Variants in RAP1GAP2 observed in about 807,000 individuals in gnomAD.
RAP1GAP2 encodes the protein RAP1 GTPase activating protein 2.
A neutral mutation model predicts 95.0 loss-of-function variants in RAP1GAP2; 27 were observed. The observed-to-expected ratio is 0.28, with a 90% CI of 0.21 to 0.39. The LOEUF (loss-of-function observed/expected upper bound fraction) is 0.39, where lower values mean the gene tolerates loss of function less well. Ranked by LOEUF, RAP1GAP2 falls within the 10% of genes least tolerant of loss-of-function variation. The pLI is 1.00. For synonymous variants in RAP1GAP2, 373 were observed against 380.9 expected, an observed-to-expected ratio of 0.98 and a Z score of 0.24; for missense variants, 771 against 970.0, an observed-to-expected ratio of 0.79 and a Z score of 2.72.
chr17:2,919,382 G>A (rs111448795), intron 3 of RAP1GAP2, among the ~76,000 whole-genome samples: 16 of 152,326 alleles, frequency 1.1e-4, no homozygotes, highest in African/African-American at 3.4e-4. Flanking sequence ...AGACTGAGTC[G>A]AGACTTGGAT....
intron 8 of RAP1GAP2, among the ~76,000 whole-genome samples, chr17:2,978,369 C>G (rs901818417): frequency 5.3e-5 from 8 of 152,102 alleles, no homozygotes; most frequent in Non-Finnish European, 7.3e-5. Context: ...GATACTGCAA[C>G]AGTCCCTCCG....
At chr17:2,860,809 T>C (rs2072353485) in intron 2 of RAP1GAP2, among the ~76,000 whole-genome samples, 1 of 151,988 alleles carries the variant, frequency 6.6e-6, no homozygotes, top group Non-Finnish European at 1.5e-5. Flanking sequence ...TTTCACCATG[T>C]TGGCCAGGCT....
At chr17:2,758,887 T>A (rs996576908) in intron 1 of RAP1GAP2, among the ~76,000 whole-genome samples, 5 of 152,022 alleles carry the variant, frequency 3.3e-5, no homozygotes, top group African/African-American at 1.2e-4. Context: ...GCAGTGGCGA[T>A]CACAGCTCAC....
rs994058158 is a variant in RAP1GAP2 at position 2,866,144 on chromosome 17, G to T, written c.81-39140G>T. ...TGGTGGCATTTGAAGTGGGCCTCGG[G>T]GACTGGACAGGATGTCTGAAGGGAG... is the stretch of plus-strand genomic sequence containing the variant. On this transcript the variant is annotated intron_variant, in intron 2 of 24. Transcript: ENST00000254695. This position sits in a 1 kb window ranked among gnomAD's most constrained non-coding sequence, Gnocchi z 4.0. 6.6e-6 allele frequency among the ~76,000 whole-genome samples: 1 copy of T among 152,210 alleles called. No homozygotes were observed. The highest frequency in any genetic ancestry group is 2.4e-5 in the African/African-American group (1 of 41,448).
chr17:2,984,805 T>C (rs2045497057), intron 10 of RAP1GAP2, among the ~76,000 whole-genome samples, 178 bp from the exon 11 acceptor site: 1 of 152,162 alleles, frequency 6.6e-6, no homozygotes, highest in Non-Finnish European at 1.5e-5. Flanking sequence ...TAGCTGACTT[T>C]GGAGCTGCGG....
rs371212284 is a variant in RAP1GAP2 at position 3,020,444 on chromosome 17, C to T, written c.1633-33C>T. On this transcript the variant is annotated intron_variant, in intron 18 of 24. Transcript: ENST00000254695. Reference sequence around the variant, plus strand: ...GGGGATAGGAGATCGGTGTTTGGGCCGGGAGCACTCATTTTGGCAATTTCA... The same window carrying T: ...GGGGATAGGAGATCGGTGTTTGGGCTGGGAGCACTCATTTTGGCAATTTCA... 3.3e-5 allele frequency: 51 copies of T among 1,565,598 alleles called. No individual in the cohort carries two copies. The East Asian group carries it at 5.4e-4, about 17-fold the overall frequency.
At chr17:2,851,521 C>A (rs538026615) in intron 2 of RAP1GAP2, among the ~76,000 whole-genome samples, 68 of 152,102 alleles carry the variant, frequency 4.5e-4, no homozygotes, top group African/African-American at 1.6e-3. Context: ...GCTTGTAGGG[C>A]AGGGGCAGAA....
At chr17:3,002,366 T>C (rs942666979) in intron 14 of RAP1GAP2, among the ~76,000 whole-genome samples, 2 of 152,168 alleles carry the variant, frequency 1.3e-5, no homozygotes, top group African/African-American at 2.4e-5. Context: ...GGTACCTTGA[T>C]CGTGCACTCC....
chr17:2,973,776 T>A (rs1297615951), intron 8 of RAP1GAP2, among the ~76,000 whole-genome samples: 1 of 151,980 alleles, frequency 6.6e-6, no homozygotes, highest in African/African-American at 2.4e-5. Flanking sequence ...TGAACAAATA[T>A]CCACAAAAAT....
At chr17:2,874,383 CT>C (rs768892125) in intron 2 of RAP1GAP2, among the ~76,000 whole-genome samples, 2 of 152,134 alleles carry the variant, frequency 1.3e-5, no homozygotes, top group Admixed American at 6.6e-5. Flanking sequence ...AGGTCTGGGT[CT>C]TTTCCTGTGG....
intron 20 of RAP1GAP2, 75 bp downstream of exon 20, chr17:3,026,196 G>A: frequency 2.2e-6 from 3 of 1,339,872 alleles, no homozygotes; most frequent in Non-Finnish European, 3.2e-6. Flanking sequence ...CTCCTGGCCA[G>A]CTGAGAGTGG....
At chr17:3,025,897 T>C in intron 19 of RAP1GAP2, 111 bp from the exon 20 acceptor site, 2 of 773,748 alleles carry the variant, frequency 2.6e-6, no homozygotes, top group Non-Finnish European at 4.3e-6. Flanking sequence ...GCGGGGGCGC[T>C]CTGACCCCAC....
intron 1 of RAP1GAP2, chr17:2,755,913 T>TGGTCCCCACCACCCCCTCC: frequency 7.0e-6 from 2 of 284,286 alleles, no homozygotes; most frequent in Admixed American, 5.3e-5. Context: ...GCCGGCTGCC[T>TGGTCCCCACCACCCCCTCC]GGTCCCCACC....
intron 3 of RAP1GAP2, among the ~76,000 whole-genome samples, chr17:2,912,943 T>G (rs2151748369): frequency 6.6e-6 from 1 of 152,230 alleles, no homozygotes. Context: ...TTTGGGAGGC[T>G]GAGGCAGGAG....
chr17:2,839,328 A>C (rs1019115406), intron 2 of RAP1GAP2, among the ~76,000 whole-genome samples: 2 of 152,070 alleles, frequency 1.3e-5, no homozygotes, highest in African/African-American at 4.8e-5. Flanking sequence ...AAAAAAAAAG[A>C]ATAAAAAATA....
chr17:3,032,927 G>A (rs550798327), intron 24 of RAP1GAP2, among the ~76,000 whole-genome samples: 7 of 152,288 alleles, frequency 4.6e-5, no homozygotes, highest in South Asian at 4.1e-4. Context: ...GAGGGGGCAC[G>A]TGGTTTGAGC....
intron 23 of RAP1GAP2, 105 bp from the exon 24 acceptor site, chr17:3,032,302 CCCTT>C: frequency 7.8e-7 from 1 of 1,281,294 alleles, no homozygotes; most frequent in Admixed American, 1.8e-5. Flanking sequence ...GGTCCTGAAT[CCCTT>C]CCTGAGCTCA....
chr17:2,972,215 A>G (rs187750032), intron 8 of RAP1GAP2, among the ~76,000 whole-genome samples: 1 of 152,364 alleles, frequency 6.6e-6, no homozygotes, highest in East Asian at 1.9e-4. Context: ...AAATGTTTCT[A>G]GATCTAGATG....
chr17:3,017,809 T>C (rs1021570664), intron 17 of RAP1GAP2, among the ~76,000 whole-genome samples: 3 of 152,012 alleles, frequency 2.0e-5, no homozygotes, highest in Non-Finnish European at 4.4e-5. Flanking sequence ...ACCCCTCAGA[T>C]TCCCTCCAGC....
Sources: gnomAD v4.1 joint callset for allele counts (sites outside exome capture counted in the v4.1 genomes callset) on GRCh38, gnomAD v4.1.1 for gene constraint, Gnocchi (gnomAD v3.1) non-coding constraint, MANE v1.5 for transcripts, NCBI Gene and HGNC (gene_info 2026-07-23, HGNC 2026-07-21) for gene names.